EHBP1: variants seen among roughly 807,000 people sequenced by gnomAD.
The protein encoded by EHBP1 is EH domain binding protein 1.
EHBP1 carries 55 observed loss-of-function variants against 144.0 expected under a neutral mutation model. That is an observed-to-expected ratio of 0.38 (90% CI 0.31 to 0.48). EHBP1 has a LOEUF of 0.48. Among genes scored for constraint, EHBP1 ranks in the 20% least tolerant of loss-of-function variants. The pLI, the probability that EHBP1 is intolerant of heterozygous loss-of-function variation, is 0.98. For synonymous variants in EHBP1, 469 were observed against 472.7 expected (o/e 0.99, Z 0.10); for missense variants, 1,200 against 1,364.2 (o/e 0.88, Z 1.90).
chr2:62,746,309 ACT>A (rs2039147127), intron 2 of EHBP1, among the ~76,000 whole-genome samples: 1 of 151,570 alleles, frequency 6.6e-6, no homozygotes. Context: ...CATTGGTATA[ACT>A]CTCTCTAGAT....
intron 10 of EHBP1, among the ~76,000 whole-genome samples, chr2:62,897,850 T>G (rs1375358033): frequency 6.6e-6 from 1 of 152,190 alleles, no homozygotes; most frequent in African/African-American, 2.4e-5. Flanking sequence ...CTATCCTAGT[T>G]CAAATAGATC....
At chr2:62,898,210 T>C (rs1458509783) in intron 10 of EHBP1, among the ~76,000 whole-genome samples, 1 of 152,134 alleles carries the variant, frequency 6.6e-6, no homozygotes. Context: ...TAAAAATCAT[T>C]CCAGCAAGAC....
chr2:62,936,345 G>A (rs900135118), intron 10 of EHBP1, among the ~76,000 whole-genome samples: 3 of 152,140 alleles, frequency 2.0e-5, no homozygotes, highest in East Asian at 1.9e-4. Flanking sequence ...ACTTTTCTAG[G>A]AATTTGCTTC....
chr2:62,964,991 G>A (rs940854981), intron 14 of EHBP1: 3 of 152,618 alleles, frequency 2.0e-5, no homozygotes, highest in Non-Finnish European at 2.9e-5. Context: ...ATAATACCAC[G>A]AACTGAGTAG....
chr2:62,835,617 G>A (rs1055464729), intron 7 of EHBP1, among the ~76,000 whole-genome samples: 2 of 152,118 alleles, frequency 1.3e-5, no homozygotes, highest in Non-Finnish European at 1.5e-5. Flanking sequence ...GACAGTGGGC[G>A]CAGGCCAGTG....
At chr2:62,966,850 T>C (rs2058269560) in intron 14 of EHBP1, among the ~76,000 whole-genome samples, 1 of 152,180 alleles carries the variant, frequency 6.6e-6, no homozygotes, top group Non-Finnish European at 1.5e-5. Flanking sequence ...TAAAAGAAAT[T>C]TAAAACATCA....
intron 3 of EHBP1, among the ~76,000 whole-genome samples, chr2:62,748,678 A>G (rs894641093): frequency 1.9e-4 from 29 of 152,100 alleles, no homozygotes; most frequent in African/African-American, 7.0e-4. Context: ...ATTCTGTTCT[A>G]AAATAAATGT....
At chr2:62,974,736 A>G (rs1378668804) in intron 14 of EHBP1, among the ~76,000 whole-genome samples, 5 of 152,224 alleles carry the variant, frequency 3.3e-5, no homozygotes, top group African/African-American at 9.6e-5. Flanking sequence ...CAAAAAACAT[A>G]TAGCGTATGA....
intron 3 of EHBP1, among the ~76,000 whole-genome samples, chr2:62,763,589 T>C (rs1286410809): frequency 6.6e-6 from 1 of 152,200 alleles, no homozygotes; most frequent in Non-Finnish European, 1.5e-5. Flanking sequence ...TGAGTTGAGA[T>C]GTCTTGGCAT....
rs114817626 is a variant in EHBP1 at position 62,913,278 on chromosome 2, T to C, written c.1186-29440T>C. 2.1e-3 allele frequency among the ~76,000 whole-genome samples: 324 copies of C among 152,332 alleles called. 3 individuals are homozygous for C. Among genetic ancestry groups the C allele is most frequent in the African/African-American group, 6.8e-3 (284 of 41,580 alleles). On this transcript the variant is annotated intron_variant, in intron 10 of 22. Coordinates refer to ENST00000431489, the MANE Select transcript of EHBP1 (RefSeq NM_001142616.3). Reference sequence around the variant, plus strand: ...ATATTCAATTATAATGTTAAGAGATTAGCCAAATGATCTTTTAAAGGCCCT... The same window carrying C: ...ATATTCAATTATAATGTTAAGAGATCAGCCAAATGATCTTTTAAAGGCCCT...
At position 62,948,394 on chromosome 2, in the gene EHBP1, A is replaced by G; in HGVS notation, c.1548A>G (p.Glu516=). 1 of 1,614,084 alleles carries G rather than the reference A, an allele frequency of 6.2e-7. No homozygotes were observed. The highest frequency in any genetic ancestry group is 8.5e-7 in the Non-Finnish European group (1 of 1,179,970). The change falls in exon 13 of 23, where the codon GAA becomes GAG. Residue 516 remains glutamate (E), a synonymous_variant. Transcript: ENST00000431489. ...YQIRAHFSGQ[E]LNVVQIEENS... is the part of the protein sequence containing the mutation. Reference sequence around the variant, plus strand: ...TAAGGGCACATTTCAGTGGCCAAGAACTAAATGTCGTTCAGATAGAGGAAA... The same window carrying G: ...TAAGGGCACATTTCAGTGGCCAAGAGCTAAATGTCGTTCAGATAGAGGAAA...
At chr2:62,882,923 A>G (rs1346461719) in intron 10 of EHBP1, among the ~76,000 whole-genome samples, 1 of 151,618 alleles carries the variant, frequency 6.6e-6, no homozygotes, top group Non-Finnish European at 1.5e-5. Flanking sequence ...AACAGTGCCT[A>G]CTGTATGCCG....
intron 5 of EHBP1, among the ~76,000 whole-genome samples, chr2:62,776,120 G>A (rs2042037399): frequency 6.6e-6 from 1 of 152,122 alleles, no homozygotes; most frequent in Admixed American, 6.5e-5. Context: ...GAATTTATCA[G>A]TCACTAGAAT....
At chr2:62,799,092 T>A (rs938924896) in intron 5 of EHBP1, among the ~76,000 whole-genome samples, 2 of 152,096 alleles carry the variant, frequency 1.3e-5, no homozygotes, top group Non-Finnish European at 2.9e-5. Context: ...ACATAGTTTT[T>A]AAGCTTTCAT....
chr2:63,009,708 A>G (rs374652576), intron 19 of EHBP1, among the ~76,000 whole-genome samples: 1 of 151,592 alleles, frequency 6.6e-6, no homozygotes, highest in South Asian at 2.1e-4. Context: ...TATGCAATCT[A>G]TGTATACATA....
At chr2:62,700,164 T>C (rs977015019) in intron 1 of EHBP1, among the ~76,000 whole-genome samples, 9 of 151,552 alleles carry the variant, frequency 5.9e-5, no homozygotes, top group African/African-American at 1.7e-4. Flanking sequence ...CCTATAATGA[T>C]AGAGTAAAAA....
At chr2:62,823,193 A>G (rs761359888) in intron 5 of EHBP1, among the ~76,000 whole-genome samples, 5 of 152,132 alleles carry the variant, frequency 3.3e-5, no homozygotes, top group South Asian at 4.1e-4. Flanking sequence ...TTTAATAAAC[A>G]TTGAAGTTTA....
chr2:62,943,745 A>C, intron 11 of EHBP1, 57 bp from the exon 12 acceptor site: 1 of 1,244,170 alleles, frequency 8.0e-7, no homozygotes, highest in South Asian at 1.7e-5. Flanking sequence ...GTTTGTTTTA[A>C]AAACAGCTGT....
intron 7 of EHBP1, among the ~76,000 whole-genome samples, chr2:62,843,523 A>G (rs180815954): frequency 3.9e-4 from 60 of 152,276 alleles, no homozygotes; most frequent in African/African-American, 1.2e-3. Context: ...TCATTGTAGC[A>G]TATTTTTTAT....
Sources: gnomAD v4.1 joint callset for allele counts (sites outside exome capture counted in the v4.1 genomes callset) on GRCh38, gnomAD v4.1.1 for gene constraint, MANE v1.5 for transcripts, NCBI Gene and HGNC (gene_info 2026-07-23, HGNC 2026-07-21) for gene names.